MDFI: variants seen among roughly 807,000 people sequenced by gnomAD.
MDFI encodes inhibitor of MyoD family a.
Under a neutral mutation model 22.3 loss-of-function variants are expected in MDFI, and 16 were observed. The ratio of observed to expected loss-of-function variants is 0.72; its 90% CI spans 0.49 to 1.09. The LOEUF (loss-of-function observed/expected upper bound fraction) is 1.09, where lower values mean the gene tolerates loss of function less well. Ranked by LOEUF, MDFI falls within the 50% of genes least tolerant of loss-of-function variation. MDFI has a pLI of 0.00. For missense variants in MDFI, 314 were observed against 326.1 expected (o/e 0.96, Z 0.29); for synonymous variants, 145 against 142.7 (o/e 1.02, Z -0.12).
chr6:41,653,702 C>A lies in MDFI; in HGVS notation c.*127C>A. On this transcript the variant is annotated 3_prime_UTR_variant, in exon 5 of 5. Transcript: ENST00000230321. This position sits in a 1 kb window ranked among gnomAD's most constrained non-coding sequence, Gnocchi z 4.2. ...CCCCTCTCCCTGGTCCTCTCCTACC[C>A]ACCCATGTCCTCTCAGAACCCCAGC... The A allele has an allele frequency of 8.3e-7, 1 of 1,205,246 alleles. No individual in the cohort carries two copies. The highest frequency in any genetic ancestry group is 1.5e-5 in the African/African-American group (1 of 66,160). 74.7% of individuals were successfully genotyped at this position (1,205,246 alleles called of 1,614,324 possible).
At chr6:41,637,020 T>G (rs1444382510), upstream of MDFI, 3 of 151,754 alleles carry the variant, frequency 2.0e-5, no homozygotes, top group South Asian at 4.2e-4. The surrounding 1 kb of genome is among the most constrained non-coding windows in gnomAD (Gnocchi z 6.8). Flanking sequence ...GAAGCGGGAG[T>G]TGGCTCAGCT....
chr6:41,650,097 C>T (rs1336296593), intron 4 of MDFI: 2 of 454,136 alleles, frequency 4.4e-6, no homozygotes, highest in African/African-American at 4.0e-5. Context: ...CTTCTCAAGG[C>T]CACCTCCCCA....
chr6:41,637,928 G>T (rs2127423703), upstream of MDFI, among the ~76,000 whole-genome samples: 1 of 152,308 alleles, frequency 6.6e-6, no homozygotes, highest in South Asian at 2.1e-4. This position sits in a 1 kb window ranked among gnomAD's most constrained non-coding sequence, Gnocchi z 6.8. Flanking sequence ...CGGATTTCCC[G>T]GACAGACAAC....
At chr6:41,641,379 A>C (rs917858582) in intron 2 of MDFI, among the ~76,000 whole-genome samples, 1 of 152,204 alleles carries the variant, frequency 6.6e-6, no homozygotes, top group Non-Finnish European at 1.5e-5. Context: ...GAAGAGGTGA[A>C]GTTTGAGCTT....
chr6:41,646,029 G>T (rs1768037275), intron 2 of MDFI, 97 bp from the exon 3 acceptor site: 11 of 1,095,924 alleles, frequency 1.0e-5, no homozygotes. Context: ...AAAGAATGAG[G>T]GTTCAGTGGG....
chr6:41,651,922 G>A (rs895433892), intron 4 of MDFI, among the ~76,000 whole-genome samples: 1 of 152,252 alleles, frequency 6.6e-6, no homozygotes, highest in Non-Finnish European at 1.5e-5. Flanking sequence ...ACCTCTATGT[G>A]TCTGGCGCTG....
chr6:41,638,510 G>T lies in MDFI; in HGVS notation c.-154G>T. On this transcript the variant is annotated 5_prime_UTR_variant, in exon 1 of 5. An upstream open reading frame in the 5' UTR gains an earlier in-frame stop. Coordinates refer to ENST00000230321, the MANE Select transcript of MDFI (RefSeq NM_005586.4). The surrounding 1 kb of genome is among the most constrained non-coding windows in gnomAD (Gnocchi z 7.6). Reference sequence around the variant, plus strand: ...GGCGTGAGCTGGCGCCGAAATGGGAGAAAGCAGCGAGTGAGAGGGGAAGGG... The same window carrying T: ...GGCGTGAGCTGGCGCCGAAATGGGATAAAGCAGCGAGTGAGAGGGGAAGGG... 1 of 531,340 alleles carries T rather than the reference G, an allele frequency of 1.9e-6. No homozygotes were observed. The highest frequency in any genetic ancestry group is 3.3e-6 in the Non-Finnish European group (1 of 304,166). The allele number at this position is 531,340 out of a possible 1,614,324, so 32.9% of individuals were successfully genotyped here.
intron 3 of MDFI, among the ~76,000 whole-genome samples, chr6:41,648,553 C>T (rs1328365410): frequency 6.6e-6 from 1 of 152,156 alleles, no homozygotes; most frequent in Non-Finnish European, 1.5e-5. Flanking sequence ...AATTCACATA[C>T]ACAGACCAGG....
intron 3 of MDFI, among the ~76,000 whole-genome samples, chr6:41,648,957 T>C (rs773150324): frequency 3.3e-5 from 5 of 152,142 alleles, no homozygotes; most frequent in Non-Finnish European, 7.4e-5. Flanking sequence ...GCCCTTCTTC[T>C]TGCCTTCTTC....
chr6:41,642,471 G>A (rs561831576), intron 2 of MDFI, among the ~76,000 whole-genome samples: 9 of 152,268 alleles, frequency 5.9e-5, no homozygotes, highest in African/African-American at 1.4e-4. Context: ...GGCTCTTGGC[G>A]CCTCTGCCCC....
chr6:41,640,566 G>A (rs771247593), intron 2 of MDFI, among the ~76,000 whole-genome samples: 7 of 152,182 alleles, frequency 4.6e-5, no homozygotes, highest in Non-Finnish European at 1.0e-4. Context: ...AGCCCAAACC[G>A]CAGGAGACCC....
chr6:41,638,617 A>T lies in MDFI; in HGVS notation c.-47A>T, dbSNP rs1202008252. 2 of 1,082,152 alleles carry T rather than the reference A, an allele frequency of 1.8e-6. No individual in the cohort carries two copies. The highest frequency in any genetic ancestry group is 2.7e-5 in the Admixed American group (1 of 36,996). 67.0% of individuals were successfully genotyped at this position (1,082,152 alleles called of 1,614,324 possible). A position where few individuals can be genotyped will look rare whatever the true frequency, so the allele number is the denominator to read the frequency against. On this transcript the variant is annotated 5_prime_UTR_variant, in exon 1 of 5. Transcript: ENST00000230321. The surrounding 1 kb of genome is among the most constrained non-coding windows in gnomAD (Gnocchi z 7.6). ...CGCGCATGGCGGGCCCCGCGCGGGG[A>T]TCCGGCTGGAAGAGAGCGTAGCACG...
In MDFI at chr6:41,653,283, C is replaced by A; in HGVS notation, c.485-36C>A. On this transcript the variant is annotated intron_variant, in intron 4 of 4. Transcript: ENST00000230321. This position sits in a 1 kb window ranked among gnomAD's most constrained non-coding sequence, Gnocchi z 4.2. The stretch of plus-strand genomic sequence containing the variant: ...TTTCACACACGCTCATCCCTCCCCT[C>A]TCTCACCCGTCCCCCTCTCCACCGC... The A allele has an allele frequency of 6.3e-7, 1 of 1,598,782 alleles. No individual in the cohort carries two copies. Among genetic ancestry groups the A allele is most frequent in the Non-Finnish European group, 8.5e-7 (1 of 1,170,788 alleles).
intron 3 of MDFI, among the ~76,000 whole-genome samples, chr6:41,647,183 A>T (rs546342373): frequency 2.0e-5 from 3 of 152,282 alleles, no homozygotes; most frequent in African/African-American, 7.2e-5. Context: ...CACACCCACT[A>T]GCAGAATTGA....
Position 41,638,789 on chromosome 6 carries a change from G to A in MDFI, c.40G>A (p.Ala14Thr). 6.4e-7 allele frequency: 1 copy of A among 1,569,530 alleles called. No homozygotes were observed. The change falls in exon 2 of 5, where the codon GCG becomes ACG. Residue 14 changes from alanine to threonine, a missense_variant. Physicochemically the swap from Ala to Thr is moderately conservative, Grantham distance 58. Transcript: ENST00000230321. This position sits in a 1 kb window ranked among gnomAD's most constrained non-coding sequence, Gnocchi z 7.6. ...VSGQRPSGCD[A>T]PYGAPSAAPG... ...CGGCCAGCGCCCCTCTGGCTGCGAC[G>A]CGCCCTATGGAGCCCCCAGCGCAGC...
chr6:41,641,234 C>T (rs1036530549), intron 2 of MDFI, among the ~76,000 whole-genome samples: 4 of 152,214 alleles, frequency 2.6e-5, no homozygotes, highest in African/African-American at 9.6e-5. Flanking sequence ...TGAATATGGA[C>T]ACCACTCCAA....
intron 3 of MDFI, among the ~76,000 whole-genome samples, chr6:41,648,021 G>A (rs926456304): frequency 7.0e-6 from 1 of 142,294 alleles, no homozygotes; most frequent in Non-Finnish European, 1.5e-5. Flanking sequence ...TCTGGCCTGG[G>A]CACGGAGCTA....
intron 4 of MDFI, among the ~76,000 whole-genome samples, chr6:41,652,815 G>A (rs186342238): frequency 1.6e-4 from 25 of 151,826 alleles, no homozygotes; most frequent in East Asian, 9.7e-4. Flanking sequence ...ATGGGATTTC[G>A]CCATGTTGGC....
At chr6:41,644,881 C>T (rs539278369) in intron 2 of MDFI, among the ~76,000 whole-genome samples, 1 of 151,986 alleles carries the variant, frequency 6.6e-6, no homozygotes, top group East Asian at 1.9e-4. Context: ...TTTGGGCTTC[C>T]CTGCTGTTTC....
Sources: allele counts gnomAD v4.1 joint callset (sites outside exome capture counted in the v4.1 genomes callset), GRCh38; gene constraint gnomAD v4.1.1; non-coding constraint Gnocchi (gnomAD v3.1); transcripts MANE v1.5; gene names NCBI Gene and HGNC (gene_info 2026-07-23, HGNC 2026-07-21).